The following DOCK4 variants were observed in gnomAD, a reference collection of about 807,000 sequenced individuals.
DOCK4 encodes dedicator of cytokinesis 4, also known as dedicator of cytokinesis protein 4.
In DOCK4, 97 loss-of-function variants were observed where a neutral mutation model predicts 268.1. The ratio of observed to expected loss-of-function variants is 0.36; its 90% CI spans 0.31 to 0.43. DOCK4 has a LOEUF of 0.43. DOCK4 is among the 20% of genes least tolerant of loss of function. The pLI, the probability that DOCK4 is intolerant of heterozygous loss-of-function variation, is 1.00. For missense variants in DOCK4, 2,145 were observed against 2,455.7 expected (o/e 0.87, Z 2.67); for synonymous variants, 954 against 887.2 (o/e 1.08, Z -1.34).
At chr7:111,946,659 G>A (rs1586461303) in intron 8 of DOCK4, among the ~76,000 whole-genome samples, 1 of 152,124 alleles carries the variant, frequency 6.6e-6, no homozygotes, top group Non-Finnish European at 1.5e-5. Flanking sequence ...TCAGCTCACT[G>A]CAATTTCTGC....
At chr7:111,926,140 G>A (rs1562894663) in intron 12 of DOCK4, among the ~76,000 whole-genome samples, 1 of 142,628 alleles carries the variant, frequency 7.0e-6, no homozygotes, top group Non-Finnish European at 1.5e-5. Flanking sequence ...AAGAAAGAAA[G>A]AAAGAAAAAG....
At chr7:112,166,859 T>G (rs1817655077) in intron 1 of DOCK4, among the ~76,000 whole-genome samples, 1 of 151,690 alleles carries the variant, frequency 6.6e-6, no homozygotes, top group Non-Finnish European at 1.5e-5. Context: ...AGAGACAGAG[T>G]CTCGCCATGT....
chr7:111,795,331 C>T (rs1461181554), intron 30 of DOCK4, among the ~76,000 whole-genome samples: 1 of 152,166 alleles, frequency 6.6e-6, no homozygotes, highest in Non-Finnish European at 1.5e-5. Context: ...AACCCAGCTT[C>T]ATCCCTGGCC....
chr7:111,770,983 C>CT (rs1798091598), intron 36 of DOCK4, among the ~76,000 whole-genome samples: 1 of 152,234 alleles, frequency 6.6e-6, no homozygotes, highest in Non-Finnish European at 1.5e-5. Context: ...CTTATACAAT[C>CT]TCCTGGTTCA....
chr7:111,884,872 G>T (rs1223791744), intron 16 of DOCK4, among the ~76,000 whole-genome samples: 2 of 152,198 alleles, frequency 1.3e-5, no homozygotes, highest in Non-Finnish European at 2.9e-5. Flanking sequence ...TGAGGTTCTA[G>T]AAGGTAGACT....
At chr7:111,872,201 C>A in intron 19 of DOCK4, 68 bp downstream of exon 19, 1 of 1,376,758 alleles carries the variant, frequency 7.3e-7, no homozygotes, top group Admixed American at 2.4e-5. Context: ...TGTTTCTGAA[C>A]CAGCCTCATG....
chr7:112,139,804 G>A (rs1279602731), intron 1 of DOCK4, among the ~76,000 whole-genome samples: 1 of 152,174 alleles, frequency 6.6e-6, no homozygotes, highest in African/African-American at 2.4e-5. Flanking sequence ...GAGGTTTGAA[G>A]AGGGCAAGAG....
At chr7:112,000,165 A>G (rs926981870) in intron 3 of DOCK4, among the ~76,000 whole-genome samples, 11 of 152,112 alleles carry the variant, frequency 7.2e-5, no homozygotes, top group African/African-American at 2.4e-4. Context: ...CTGCTATTTA[A>G]TATTTCTTTT....
intron 7 of DOCK4, among the ~76,000 whole-genome samples, chr7:111,981,337 C>A (rs1241506120): frequency 1.3e-5 from 2 of 152,206 alleles, no homozygotes; most frequent in East Asian, 3.9e-4. Context: ...AGAAAAACAC[C>A]AGGGCTACAG....
intron 1 of DOCK4, among the ~76,000 whole-genome samples, chr7:112,100,857 A>C (rs1810614451): frequency 6.6e-6 from 1 of 152,218 alleles, no homozygotes; most frequent in Non-Finnish European, 1.5e-5. Context: ...ACACACACAC[A>C]CACATCACCC....
intron 1 of DOCK4, among the ~76,000 whole-genome samples, chr7:112,121,758 T>A (rs1481624705): frequency 6.6e-6 from 1 of 152,242 alleles, no homozygotes; most frequent in Non-Finnish European, 1.5e-5. Context: ...GAAATCCCTT[T>A]CTGGTTTCCT....
chr7:111,899,930 A>G (rs563598790), intron 15 of DOCK4, among the ~76,000 whole-genome samples: 3 of 152,218 alleles, frequency 2.0e-5, no homozygotes, highest in Non-Finnish European at 2.9e-5. Context: ...CTTCGAAACA[A>G]AACAAAAAAA....
At chr7:111,809,257 T>C in intron 29 of DOCK4, 44 bp downstream of exon 29, 1 of 1,427,342 alleles carries the variant, frequency 7.0e-7, no homozygotes, top group Non-Finnish European at 9.7e-7. Flanking sequence ...CTAAATACTC[T>C]TTAAGAGGCA....
intron 1 of DOCK4, among the ~76,000 whole-genome samples, chr7:112,181,869 A>G (rs1274783351): frequency 6.6e-6 from 1 of 152,152 alleles, no homozygotes; most frequent in African/African-American, 2.4e-5. Flanking sequence ...ATTCTATGCT[A>G]TTAAATCCGC....
chr7:111,795,357 T>G (rs1324238232), intron 30 of DOCK4, among the ~76,000 whole-genome samples: 12 of 152,148 alleles, frequency 7.9e-5, no homozygotes, highest in African/African-American at 2.9e-4. Context: ...GACCGGTTCA[T>G]GATAGGCACA....
chr7:112,202,995 A>G (rs562773828), intron 1 of DOCK4, among the ~76,000 whole-genome samples: 1 of 152,306 alleles, frequency 6.6e-6, no homozygotes, highest in African/African-American at 2.4e-5. Context: ...TGTCACAACA[A>G]AAGTGTCTCT....
chr7:111,741,793 T>C, intron 45 of DOCK4, 132 bp from the exon 46 acceptor site: 1 of 1,320,820 alleles, frequency 7.6e-7, no homozygotes, highest in Non-Finnish European at 1.0e-6. Context: ...TTAAAGCAAG[T>C]TCCAGTATTA....
chr7:111,833,545 A>G (rs1037708809), intron 26 of DOCK4, among the ~76,000 whole-genome samples: 1 of 152,098 alleles, frequency 6.6e-6, no homozygotes, highest in African/African-American at 2.4e-5. Context: ...CTGCCTCAAA[A>G]AAAAAAAGAA....
chr7:112,041,787 C>G (rs1304408677), intron 1 of DOCK4, among the ~76,000 whole-genome samples: 1 of 152,086 alleles, frequency 6.6e-6, no homozygotes, highest in East Asian at 1.9e-4. Flanking sequence ...TTTCCATGAC[C>G]CCATCCCCCC....
Sources: gnomAD v4.1 joint callset for allele counts (sites outside exome capture counted in the v4.1 genomes callset) on GRCh38, gnomAD v4.1.1 for gene constraint, MANE v1.5 for transcripts, NCBI Gene and HGNC (gene_info 2026-07-23, HGNC 2026-07-21) for gene names.